Variants in SYNPO observed in about 807,000 individuals in gnomAD.
The protein encoded by SYNPO is synaptopodin.
In SYNPO, 19 loss-of-function variants were observed where a neutral mutation model predicts 49.5. The ratio of observed to expected loss-of-function variants is 0.38; its 90% confidence interval spans 0.27 to 0.56. The LOEUF is 0.56. SYNPO is among the 20% of genes least tolerant of loss of function. The pLI is 0.68. For synonymous variants in SYNPO, 536 were observed against 548.0 expected, an observed-to-expected ratio of 0.98 and a Z score of 0.31; for missense variants, 1,131 against 1,248.3, an observed-to-expected ratio of 0.91 and a Z score of 1.42.
intron 1 of SYNPO, among the ~76,000 whole-genome samples, chr5:150,611,240 G>A (rs1015922768): frequency 1.3e-5 from 2 of 152,158 alleles, no homozygotes; most frequent in Non-Finnish European, 1.5e-5. Flanking sequence ...GCTTCACGTG[G>A]GCAGAGTTTC....
chr5:150,614,474 G>A (rs1179270139), intron 1 of SYNPO: 2 of 152,358 alleles, frequency 1.3e-5, no homozygotes, highest in Non-Finnish European at 2.9e-5. Context: ...GAGAAGGGGA[G>A]GCTGACCCCT....
the SYNPO span, among the ~76,000 whole-genome samples, chr5:150,588,491 T>C: frequency 4.2e-3 from 631 of 151,886 alleles, 6 homozygotes; most frequent in African/African-American, 0.014. Flanking sequence ...GGGCTCCACA[T>C]GTTGGGAAGG....
Position 150,656,565 on chromosome 5 carries a change from C to G in SYNPO, c.2190C>G (p.Pro730=), listed in dbSNP as rs1275245791. The change falls in exon 3 of 3, where the codon CCC becomes CCG. Residue 730 remains proline (P), a synonymous_variant. Coordinates refer to ENST00000307662, the MANE Select transcript of SYNPO (RefSeq NM_007286.6). Reference sequence around the variant, plus strand: ...TGCCGCCGCCACCGCCCATGTCTCCCTCGTGGAGCGAGCGCTCGGTGTCCC... The same window carrying G: ...TGCCGCCGCCACCGCCCATGTCTCCGTCGTGGAGCGAGCGCTCGGTGTCCC... The part of the protein sequence containing the change: ...PPLPPPPPMS[P]SWSERSVSPL... 1 of 1,523,160 alleles carries G rather than the reference C, an allele frequency of 6.6e-7. No homozygotes were observed. Among genetic ancestry groups the G allele is most frequent in the African/African-American group, 1.4e-5 (1 of 70,726 alleles). 94.4% of individuals were successfully genotyped at this position (1,523,160 alleles called of 1,614,324 possible). A position where few individuals can be genotyped will look rare whatever the true frequency, so the allele number is the denominator to read the frequency against.
In SYNPO at chr5:150,619,036, T is replaced by TA. The variant is rs575017152; in HGVS notation, c.400+283dup. On this transcript the variant is annotated intron_variant, in intron 2 of 2. Transcript: ENST00000394243. ...AGAAAGCCACATTATCTTGCTTGGC[T>TA]AAAAAAAAAAAAAATGCCCATTTCC... Among the ~76,000 whole-genome samples the TA allele has an allele frequency of 9.9e-3, 1,403 of 141,940 alleles. 27 individuals are homozygous for TA. The highest frequency in any genetic ancestry group is 0.092 in the East Asian group (452 of 4,898). 93.1% of individuals were successfully genotyped at this position (141,940 alleles called of 152,430 possible).
At chr5:150,601,939 T>A (rs993152842) in intron 1 of SYNPO, among the ~76,000 whole-genome samples, 4 of 152,234 alleles carry the variant, frequency 2.6e-5, no homozygotes, top group African/African-American at 9.6e-5. Flanking sequence ...TCTGTTTTCA[T>A]CTTTTTCAGA....
the SYNPO span, among the ~76,000 whole-genome samples, chr5:150,586,245 C>T: frequency 2.0e-5 from 3 of 152,244 alleles, no homozygotes; most frequent in Non-Finnish European, 4.4e-5. Flanking sequence ...GCTGAGGCCA[C>T]TGCTGTGATA....
At chr5:150,651,586 CCTGGGCTGGG>C (rs139408467) in intron 2 of SYNPO, 45,042 of 1,003,308 alleles carry the variant, frequency 0.045, 1,120 homozygotes, top group Middle Eastern at 0.065. Flanking sequence ...CCAAGGGATG[CCTGGGCTGGG>C]CTGGGCTGGG....
At chr5:150,604,907 T>G (rs2151336964) in intron 1 of SYNPO, among the ~76,000 whole-genome samples, 1 of 152,248 alleles carries the variant, frequency 6.6e-6, no homozygotes, top group South Asian at 2.1e-4. Flanking sequence ...GAGCACCAAC[T>G]CTTCTGCAGG....
chr5:150,640,061 T>C (rs1473882589), upstream of SYNPO: 45 of 879,282 alleles, frequency 5.1e-5, no homozygotes, highest in Non-Finnish European at 5.9e-5. Context: ...AATATGGAGA[T>C]GAGGATAGTG....
intron 1 of SYNPO, among the ~76,000 whole-genome samples, chr5:150,644,210 G>A (rs930287429): frequency 4.0e-5 from 6 of 151,746 alleles, no homozygotes; most frequent in African/African-American, 1.5e-4. Context: ...TGAATGTAAG[G>A]AGGAACTTTC....
intron 1 of SYNPO, chr5:150,608,639 T>A (rs952486881): frequency 1.3e-5 from 2 of 152,322 alleles, no homozygotes; most frequent in East Asian, 3.9e-4. Flanking sequence ...CATCCCTGTA[T>A]GATCTCTGGG....
At chr5:150,636,252 G>C (rs1336042002), upstream of SYNPO, among the ~76,000 whole-genome samples, 1 of 152,100 alleles carries the variant, frequency 6.6e-6, no homozygotes. Flanking sequence ...CTCTCCTTAA[G>C]CAGTAATATA....
chr5:150,618,474 A>G lies in SYNPO; in HGVS notation c.107A>G (p.Glu36Gly), dbSNP rs1227962857. The change falls in exon 2 of 3, where the codon GAA (glutamate) becomes GGA (glycine). Residue 36 changes from glutamate (E) to glycine (G), a missense_variant. Glu to Gly is a moderately conservative substitution (Grantham distance 98). Transcript: ENST00000394243. The stretch of plus-strand genomic sequence containing the variant: ...GGAAGCTACAGGTGTCTGGCTCTGG[A>G]AGCCGAGGAGAGCAGCGGTGAGGAG... The G allele has an allele frequency of 7.1e-6, 11 of 1,551,466 alleles. No homozygotes were observed. In the Admixed American group the frequency reaches 2.0e-4, roughly 28 times the overall value.
chr5:150,597,578 C>T (rs568072095), upstream of SYNPO, among the ~76,000 whole-genome samples: 1 of 152,288 alleles, frequency 6.6e-6, no homozygotes. Flanking sequence ...AGGTGATCCA[C>T]CCACCTCGGC....
Position 150,649,034 on chromosome 5 carries a change from G to C in SYNPO, c.759G>C (p.Gln253His). ...FGIQAPGGTSQMERSPMLERR... is the reference protein window; with the variant it reads ...FGIQAPGGTSHMERSPMLERR... Reference sequence around the variant, plus strand: ...TCCAGGCGCCAGGGGGCACCAGCCAGATGGAGAGGAGCCCCATGCTAGAGA... The same window carrying C: ...TCCAGGCGCCAGGGGGCACCAGCCACATGGAGAGGAGCCCCATGCTAGAGA... The change falls in exon 2 of 3, where the codon CAG becomes CAC. Residue 253 changes from glutamine (Q) to histidine (H), a missense_variant. Coordinates refer to ENST00000307662, the MANE Select transcript of SYNPO (RefSeq NM_007286.6). The C allele has an allele frequency of 6.2e-7, 1 of 1,614,246 alleles. No homozygotes were observed. The highest frequency in any genetic ancestry group is 8.5e-7 in the Non-Finnish European group (1 of 1,180,038).
chr5:150,655,665 T>A (rs145335709), intron 2 of SYNPO, among the ~76,000 whole-genome samples: 2,129 of 152,340 alleles, frequency 0.014, 54 homozygotes, highest in African/African-American at 0.049. Context: ...GTATTTTTTT[T>A]AAATTGAGAC....
chr5:150,594,632 C>T, the SYNPO span, among the ~76,000 whole-genome samples: 382 of 152,282 alleles, frequency 2.5e-3, 3 homozygotes, highest in African/African-American at 7.9e-3. Context: ...AAAGCTCTCC[C>T]GGGCCTCACA....
chr5:150,630,824 C>T (rs1757512496), intron 2 of SYNPO, among the ~76,000 whole-genome samples: 1 of 152,218 alleles, frequency 6.6e-6, no homozygotes, highest in African/African-American at 2.4e-5. Flanking sequence ...TGTCTGGCAT[C>T]CCCACACACT....
Position 150,648,376 on chromosome 5 carries a change from C to T in SYNPO, c.101C>T (p.Ala34Val). 2 of 1,614,192 alleles carry T rather than the reference C, an allele frequency of 1.2e-6. No homozygotes were observed. The highest frequency in any genetic ancestry group is 1.7e-6 in the Non-Finnish European group (2 of 1,180,034). Residue 34 changes from alanine (A) to valine (V), a missense_variant, in exon 2 of 3, where the codon GCA (alanine) becomes GTA (valine). Transcript: ENST00000307662. The surrounding 1 kb of genome is among the most constrained non-coding windows in gnomAD (Gnocchi z 5.0). ...CTGGTGGTTTATCTAAAGGAGAATG[C>T]AGCACTGCTGACAGCCAATGGGCTG... Reference protein sequence around the residue: ...VPLVVYLKENAALLTANGLHL... With the variant: ...VPLVVYLKENVALLTANGLHL...
Sources: allele counts gnomAD v4.1 joint callset (sites outside exome capture counted in the v4.1 genomes callset), GRCh38; gene constraint gnomAD v4.1.1; non-coding constraint Gnocchi (gnomAD v3.1); transcripts MANE v1.5; gene names NCBI Gene and HGNC (gene_info 2026-07-23, HGNC 2026-07-21).